PCDHGB3: variants seen among roughly 807,000 people sequenced by gnomAD.
PCDHGB3 encodes protocadherin gamma-B3.
PCDHGB3 carries 40 observed loss-of-function variants against 59.2 expected under a neutral mutation model. The observed-to-expected ratio is 0.68, with a 90% CI of 0.52 to 0.88. The LOEUF (loss-of-function observed/expected upper bound fraction) is 0.88. PCDHGB3 is among the 40% of genes least tolerant of loss of function. The pLI, the probability that PCDHGB3 is intolerant of heterozygous loss-of-function variation, is 0.00. For missense variants in PCDHGB3, 1,309 were observed against 1,187.9 expected, an observed-to-expected ratio of 1.10 and a Z score of -1.50; for synonymous variants, 581 against 503.6, an observed-to-expected ratio of 1.15 and a Z score of -2.06.
intron 2 of PCDHGB3, among the ~76,000 whole-genome samples, chr5:141,500,948 A>G (rs1055841985): frequency 1.8e-4 from 28 of 151,592 alleles, no homozygotes; most frequent in Non-Finnish European, 4.4e-5. Context: ...GGCTCACTGC[A>G]AGCTCCACCT....
At chr5:141,496,662 T>A (rs557106775) in intron 2 of PCDHGB3, among the ~76,000 whole-genome samples, 1 of 152,344 alleles carries the variant, frequency 6.6e-6, no homozygotes, top group African/African-American at 2.4e-5. Flanking sequence ...TGACCCCAGC[T>A]GTTGTCCTTC....
chr5:141,396,996 C>G (rs1435849865), intron 1 of PCDHGB3, among the ~76,000 whole-genome samples: 1 of 152,218 alleles, frequency 6.6e-6, no homozygotes, highest in Non-Finnish European at 1.5e-5. Context: ...TTTTATTAAT[C>G]TGACAAATGG....
intron 1 of PCDHGB3, among the ~76,000 whole-genome samples, chr5:141,465,063 C>T (rs187265709): frequency 8.5e-4 from 129 of 151,534 alleles, no homozygotes; most frequent in South Asian, 1.3e-3. Context: ...TTTGAATTGT[C>T]TGTTCATGTC....
intron 1 of PCDHGB3, 45 bp downstream of exon 1, chr5:141,372,854 C>T: frequency 6.9e-7 from 1 of 1,458,390 alleles, no homozygotes; most frequent in Non-Finnish European, 9.2e-7. Flanking sequence ...AATTGGGTTT[C>T]AATTCATTGA....
At chr5:141,403,348 G>C (rs1031512427) in intron 1 of PCDHGB3, 2 of 1,614,052 alleles carry the variant, frequency 1.2e-6, no homozygotes, top group Middle Eastern at 1.6e-4. Flanking sequence ...GCGCCCCAAA[G>C]TTCCAGGCCG....
At chr5:141,406,072 CTT>C (rs530474569) in intron 1 of PCDHGB3, among the ~76,000 whole-genome samples, 69 of 141,430 alleles carry the variant, frequency 4.9e-4, no homozygotes, top group African/African-American at 9.6e-4. Flanking sequence ...ATTCTTACTC[CTT>C]TTTTTTTTTT....
At chr5:141,384,360 C>A in intron 1 of PCDHGB3, 1 of 1,613,902 alleles carries the variant, frequency 6.2e-7, no homozygotes, top group Non-Finnish European at 8.5e-7. Context: ...ATGCCCAGAT[C>A]ACTTATTCCT....
At chr5:141,393,722 A>T in intron 1 of PCDHGB3, 1 of 1,613,892 alleles carries the variant, frequency 6.2e-7, no homozygotes, top group Non-Finnish European at 8.5e-7. Context: ...AAATATCAAT[A>T]GCAAAAAGTC....
chr5:141,433,289 G>A, intron 1 of PCDHGB3: 1 of 1,130,682 alleles, frequency 8.8e-7, no homozygotes, highest in Non-Finnish European at 1.3e-6. Flanking sequence ...AAACTCCTAG[G>A]CTCAAGCAAT....
intron 1 of PCDHGB3, chr5:141,421,506 G>T: frequency 6.2e-7 from 1 of 1,614,076 alleles, no homozygotes; most frequent in Non-Finnish European, 8.5e-7. Context: ...GGATAGACCG[G>T]GAGGAGCTCT....
chr5:141,454,893 C>T (rs1414320972), intron 1 of PCDHGB3, among the ~76,000 whole-genome samples: 7 of 146,892 alleles, frequency 4.8e-5, no homozygotes, highest in Admixed American at 1.4e-4. Flanking sequence ...CTGCTAGCAC[C>T]GCCTCCCGGG....
At position 141,490,207 on chromosome 5, in the gene PCDHGB3, C is replaced by T. The variant is rs142098675; in HGVS notation, c.2416-4600C>T. On this transcript the variant is annotated intron_variant, in intron 1 of 3. Transcript: ENST00000576222. This position sits in a 1 kb window ranked among gnomAD's most constrained non-coding sequence, Gnocchi z 5.4. ...TTTCTATGAAATTCATGCAAGAGCC[C>T]GTGACCAGGGACAGCCTGCCATGGA... 41 of 1,614,056 alleles carry T rather than the reference C, an allele frequency of 2.5e-5. No homozygotes were observed. The highest frequency in any genetic ancestry group is 3.3e-4 in the Middle Eastern group (2 of 6,084).
chr5:141,393,614 C>T (rs971778718), intron 1 of PCDHGB3: 2 of 1,613,778 alleles, frequency 1.2e-6, no homozygotes, highest in Non-Finnish European at 1.7e-6. Flanking sequence ...TAACAGCCAG[C>T]GACCCGGATG....
At chr5:141,410,847 G>GTATTT in intron 1 of PCDHGB3, 1 of 158,252 alleles carries the variant, frequency 6.3e-6, no homozygotes. Flanking sequence ...TTTTGTCTTT[G>GTATTT]TCTTTTTTTT....
intron 1 of PCDHGB3, chr5:141,405,524 A>T (rs1430059160): frequency 7.4e-6 from 5 of 677,158 alleles, no homozygotes; most frequent in Non-Finnish European, 1.2e-5. Context: ...AATTCAAGCG[A>T]TTCTCCTGCC....
In PCDHGB3 at chr5:141,372,379, T is replaced by TA. The variant is rs1390677977; in HGVS notation, c.1987dup (p.Ile663AsnfsTer5). 6.2e-7 allele frequency: 1 copy of TA among 1,613,888 alleles called. No homozygotes were observed. The highest frequency in any genetic ancestry group is 8.5e-7 in the Non-Finnish European group (1 of 1,179,906). ...CTTTCAGCCACCGTCATGCTGCACC[T>TA]AATCTTCGCAGATAGCTTGCAAGAG... On this transcript the variant is annotated frameshift_variant, in exon 1 of 4. Transcript: ENST00000576222. LOFTEE classifies it high-confidence loss of function.
intron 1 of PCDHGB3, chr5:141,398,400 C>T: frequency 6.8e-7 from 1 of 1,465,224 alleles, no homozygotes; most frequent in Non-Finnish European, 9.5e-7. Context: ...GCAGGCTAGA[C>T]AGGGAGGAGA....
At chr5:141,433,607 G>A (rs1209706866) in intron 1 of PCDHGB3, among the ~76,000 whole-genome samples, 2 of 152,078 alleles carry the variant, frequency 1.3e-5, no homozygotes, top group East Asian at 1.9e-4. Context: ...AGGCCGAGGC[G>A]GGTGGATCAC....
At chr5:141,433,207 TC>T (rs780557883) in intron 1 of PCDHGB3, 10 of 1,568,868 alleles carry the variant, frequency 6.4e-6, no homozygotes, top group African/African-American at 1.4e-5. Flanking sequence ...AAATCTTCTT[TC>T]TTTTTTTTTT....
Sources: allele counts gnomAD v4.1 joint callset (sites outside exome capture counted in the v4.1 genomes callset), GRCh38; gene constraint gnomAD v4.1.1; non-coding constraint Gnocchi (gnomAD v3.1); transcripts MANE v1.5; gene names NCBI Gene and HGNC (gene_info 2026-07-23, HGNC 2026-07-21).